TMEFF2: variants seen among roughly 807,000 people sequenced by gnomAD.
TMEFF2 encodes tomoregulin-2.
A neutral mutation model predicts 53.8 loss-of-function variants in TMEFF2; 28 were observed. The observed-to-expected ratio is 0.52, with a 90% confidence interval of 0.39 to 0.71. The LOEUF (loss-of-function observed/expected upper bound fraction) is 0.71, where lower values mean the gene tolerates loss of function less well. Among genes scored for constraint, TMEFF2 ranks in the 30% least tolerant of loss-of-function variants. The pLI is 0.00. For synonymous variants in TMEFF2, 162 were observed against 166.3 expected, an observed-to-expected ratio of 0.97 and a Z score of 0.20; for missense variants, 353 against 455.2, an observed-to-expected ratio of 0.78 and a Z score of 2.04.
intron 5 of TMEFF2, among the ~76,000 whole-genome samples, chr2:192,048,158 AT>A (rs5837275): frequency 0.13 from 19,016 of 147,864 alleles, 1,319 homozygotes; most frequent in East Asian, 0.31. Context: ...GCTCAAACGA[AT>A]TTTTTTTTTT....
intron 4 of TMEFF2, among the ~76,000 whole-genome samples, chr2:192,143,375 C>A (rs1488548123): frequency 6.6e-6 from 1 of 152,048 alleles, no homozygotes; most frequent in Non-Finnish European, 1.5e-5. Context: ...TGTATGCGGG[C>A]TATTGCATCC....
chr2:192,100,472 G>A (rs1444206706), intron 4 of TMEFF2, among the ~76,000 whole-genome samples: 1 of 152,124 alleles, frequency 6.6e-6, no homozygotes, highest in Non-Finnish European at 1.5e-5. Flanking sequence ...ATCGAACAAA[G>A]GCTGTTTGGG....
At chr2:192,137,862 G>C (rs1222296664) in intron 4 of TMEFF2, among the ~76,000 whole-genome samples, 8 of 151,046 alleles carry the variant, frequency 5.3e-5, no homozygotes, top group Non-Finnish European at 4.4e-5. Context: ...GAGTGCAGTG[G>C]TGCGATCTAG....
intron 5 of TMEFF2, among the ~76,000 whole-genome samples, chr2:192,049,759 T>C (rs1687718086): frequency 6.6e-6 from 1 of 152,118 alleles, no homozygotes; most frequent in African/African-American, 2.4e-5. Flanking sequence ...CCCAGCACTT[T>C]GGGAGGCTGA....
chr2:192,132,200 C>T (rs562165799), intron 4 of TMEFF2, among the ~76,000 whole-genome samples: 308 of 152,250 alleles, frequency 2.0e-3, no homozygotes, highest in African/African-American at 6.5e-3. Context: ...CCTGGTCTGG[C>T]TTACAGTTTC....
chr2:192,143,081 C>T (rs1690174421), intron 4 of TMEFF2, among the ~76,000 whole-genome samples: 1 of 152,112 alleles, frequency 6.6e-6, no homozygotes, highest in African/African-American at 2.4e-5. Flanking sequence ...CAAATTCATG[C>T]AGGACAACTA....
chr2:192,163,187 T>C (rs1690675990), intron 4 of TMEFF2, among the ~76,000 whole-genome samples: 1 of 152,148 alleles, frequency 6.6e-6, no homozygotes, highest in Non-Finnish European at 1.5e-5. Context: ...ATTAGTTGTC[T>C]CCAGAGTAGA....
intron 4 of TMEFF2, among the ~76,000 whole-genome samples, chr2:192,072,040 T>C (rs897467746): frequency 2.6e-5 from 4 of 151,908 alleles, no homozygotes; most frequent in South Asian, 2.1e-4. Context: ...TGGATTGCAT[T>C]GAAAATGGTT....
At chr2:192,116,905 T>C (rs1472204622) in intron 4 of TMEFF2, among the ~76,000 whole-genome samples, 1 of 151,922 alleles carries the variant, frequency 6.6e-6, no homozygotes, top group Non-Finnish European at 1.5e-5. Flanking sequence ...AAGCAAGAGA[T>C]CAAACATCTA....
At chr2:192,018,633 C>T (rs548983411) in intron 5 of TMEFF2, among the ~76,000 whole-genome samples, 1 of 152,260 alleles carries the variant, frequency 6.6e-6, no homozygotes, top group Non-Finnish European at 1.5e-5. Context: ...TCCTCTCCTC[C>T]TTCTTCCCCT....
At chr2:192,171,257 C>T (rs1460651642) in intron 4 of TMEFF2, among the ~76,000 whole-genome samples, 1 of 152,058 alleles carries the variant, frequency 6.6e-6, no homozygotes, top group Non-Finnish European at 1.5e-5. Flanking sequence ...CACAAAGTCC[C>T]TCAGATGAGT....
intron 4 of TMEFF2, among the ~76,000 whole-genome samples, chr2:192,106,724 T>G (rs1040007356): frequency 4.0e-5 from 6 of 151,866 alleles, no homozygotes; most frequent in African/African-American, 1.4e-4. Flanking sequence ...AAGATGAATA[T>G]ATTGTCCTAG....
chr2:192,133,449 C>T (rs1398732523), intron 4 of TMEFF2, among the ~76,000 whole-genome samples: 1 of 152,212 alleles, frequency 6.6e-6, no homozygotes, highest in Non-Finnish European at 1.5e-5. Context: ...CCTGTTATCA[C>T]TCGTCTGCTA....
intron 3 of TMEFF2, among the ~76,000 whole-genome samples, chr2:192,181,118 G>A (rs1163783518): frequency 6.6e-6 from 1 of 151,724 alleles, no homozygotes; most frequent in African/African-American, 2.4e-5. Flanking sequence ...AAAGACTGAT[G>A]AATTCATGTT....
chr2:192,149,851 G>A (rs977627717), intron 4 of TMEFF2, among the ~76,000 whole-genome samples: 2 of 151,850 alleles, frequency 1.3e-5, no homozygotes, highest in Non-Finnish European at 2.9e-5. Flanking sequence ...CTTGTTTATT[G>A]TTAAACACAC....
At chr2:192,129,029 C>T (rs375896720) in intron 4 of TMEFF2, among the ~76,000 whole-genome samples, 3 of 152,224 alleles carry the variant, frequency 2.0e-5, no homozygotes, top group Admixed American at 1.3e-4. Context: ...TGCCTGGGTG[C>T]CCCATAGGAG....
chr2:192,057,951 C>A (rs912892303), intron 4 of TMEFF2, among the ~76,000 whole-genome samples, 176 bp from the exon 5 acceptor site: 1 of 152,126 alleles, frequency 6.6e-6, no homozygotes, highest in African/African-American at 2.4e-5. Flanking sequence ...ACAACTCTAA[C>A]AATAATATGT....
intron 4 of TMEFF2, among the ~76,000 whole-genome samples, chr2:192,139,866 T>C (rs1038872441): frequency 6.6e-6 from 1 of 152,198 alleles, no homozygotes; most frequent in Non-Finnish European, 1.5e-5. Flanking sequence ...AGCCCTACTT[T>C]AGGGATTCTA....
At chr2:192,183,519 C>G (rs1201258986) in intron 3 of TMEFF2, among the ~76,000 whole-genome samples, 1 of 152,024 alleles carries the variant, frequency 6.6e-6, no homozygotes, top group Non-Finnish European at 1.5e-5. Flanking sequence ...CTTATATCAT[C>G]CAAATTCTCA....
Sources: gnomAD v4.1 joint callset for allele counts (sites outside exome capture counted in the v4.1 genomes callset) on GRCh38, gnomAD v4.1.1 for gene constraint, MANE v1.5 for transcripts, NCBI Gene and HGNC (gene_info 2026-07-23, HGNC 2026-07-21) for gene names.